PPFIA1: variants seen among roughly 807,000 people sequenced by gnomAD.
PPFIA1 encodes the protein liprin-alpha-1.
Under a neutral mutation model 149.9 loss-of-function variants are expected in PPFIA1, and 25 were observed. That is an observed-to-expected ratio of 0.17 (90% CI 0.12 to 0.23). The LOEUF is 0.23. Among genes scored for constraint, PPFIA1 ranks in the 10% least tolerant of loss-of-function variants. PPFIA1 has a pLI of 1.00. For synonymous variants in PPFIA1, 549 were observed against 552.8 expected (o/e 0.99, Z 0.10); for missense variants, 1,362 against 1,506.5 (o/e 0.90, Z 1.59).
intron 16 of PPFIA1, 174 bp from the exon 17 acceptor site, chr11:70,354,127 C>T (rs2056227450): frequency 1.6e-6 from 1 of 623,270 alleles, no homozygotes; most frequent in Non-Finnish European, 2.7e-6. Flanking sequence ...AGTCTGACAA[C>T]TCTGTGGTGC....
At chr11:70,332,163 T>A in intron 9 of PPFIA1, 69 bp downstream of exon 9, 1 of 1,486,644 alleles carries the variant, frequency 6.7e-7, no homozygotes, top group Non-Finnish European at 8.9e-7. Flanking sequence ...TGTACCTTGT[T>A]TGTCACTGTT....
At chr11:70,348,007 GAA>G (rs1435929407) in intron 15 of PPFIA1, among the ~76,000 whole-genome samples, 180 bp from the exon 16 acceptor site, 1 of 151,976 alleles carries the variant, frequency 6.6e-6, no homozygotes, top group Non-Finnish European at 1.5e-5. Context: ...CATCTCAAAA[GAA>G]AAATAAATAA....
chr11:70,336,748 G>A (rs529058020), intron 11 of PPFIA1, among the ~76,000 whole-genome samples: 7 of 152,308 alleles, frequency 4.6e-5, no homozygotes, highest in Admixed American at 2.6e-4. Context: ...AAGCTCTAAT[G>A]GGCAGCAGCT....
At position 70,372,557 on chromosome 11, in the gene PPFIA1, G is replaced by A. The variant is rs1332485215; in HGVS notation, c.3122G>A (p.Ser1041Asn). 9.3e-6 allele frequency: 15 copies of A among 1,611,642 alleles called. No homozygotes were observed. Among genetic ancestry groups the A allele is most frequent in the African/African-American group, 2.7e-5 (2 of 74,884 alleles). Reference sequence around the variant, plus strand: ...GAACTGGAAAGAAAAAGAGAAGAAAGTCAGAGTGAAATAAAAGGTTAGTAC... The same window carrying A: ...GAACTGGAAAGAAAAAGAGAAGAAAATCAGAGTGAAATAAAAGGTTAGTAC... ...RKELERKREE[S>N]QSEIKDVLVW... The change falls in exon 23 of 28, where the codon AGT (serine) becomes AAT (asparagine). Residue 1041 changes from serine to asparagine, a missense_variant. This residue lies in a region of PPFIA1 where 349 missense variants were observed against 373.3 expected (regional missense o/e 0.93). Coordinates refer to ENST00000253925, the MANE Select transcript of PPFIA1 (RefSeq NM_003626.5).
chr11:70,295,167 G>T (rs2051827263), intron 2 of PPFIA1, among the ~76,000 whole-genome samples: 2 of 151,138 alleles, frequency 1.3e-5, no homozygotes, highest in African/African-American at 4.9e-5. Context: ...GGGTGGGGCG[G>T]CTGGCCGGGC....
At chr11:70,295,530 C>T (rs1294375293) in intron 2 of PPFIA1, among the ~76,000 whole-genome samples, 1 of 143,542 alleles carries the variant, frequency 7.0e-6, no homozygotes, top group Non-Finnish European at 1.5e-5. Flanking sequence ...CACCTCCCTC[C>T]CGGACGGGGC....
chr11:70,321,680 A>G (rs2053950312), intron 2 of PPFIA1, among the ~76,000 whole-genome samples: 1 of 152,228 alleles, frequency 6.6e-6, no homozygotes, highest in Non-Finnish European at 1.5e-5. Flanking sequence ...ATTAGCCAGG[A>G]TGATAGACTC....
At chr11:70,320,673 G>A (rs1230617381) in intron 2 of PPFIA1, among the ~76,000 whole-genome samples, 1 of 152,154 alleles carries the variant, frequency 6.6e-6, no homozygotes, top group Non-Finnish European at 1.5e-5. Flanking sequence ...CTGGGCTCAA[G>A]CAGTCCTCCA....
chr11:70,372,617 C>T, intron 23 of PPFIA1, 43 bp downstream of exon 23: 1 of 1,513,700 alleles, frequency 6.6e-7, no homozygotes, highest in Non-Finnish European at 9.1e-7. Context: ...CTCCTACTTG[C>T]TGGTGTGTTT....
chr11:70,273,710 AT>A (rs529454101), intron 2 of PPFIA1, among the ~76,000 whole-genome samples: 157 of 152,296 alleles, frequency 1.0e-3, no homozygotes, highest in African/African-American at 3.4e-3. Context: ...TTTTTGTTGG[AT>A]TAAAGAATCA....
At chr11:70,331,816 C>G (rs966122142) in intron 8 of PPFIA1, 144 bp from the exon 9 acceptor site, 2 of 904,404 alleles carry the variant, frequency 2.2e-6, no homozygotes, top group Non-Finnish European at 3.1e-6. Flanking sequence ...AAACAAAAAC[C>G]TGACCCAGAA....
At chr11:70,303,353 T>C (rs2052617296) in intron 2 of PPFIA1, among the ~76,000 whole-genome samples, 1 of 152,240 alleles carries the variant, frequency 6.6e-6, no homozygotes, top group Non-Finnish European at 1.5e-5. Flanking sequence ...ATTTCCAATT[T>C]AATAAATGTC....
At chr11:70,328,444 G>A (rs1235221920) in intron 7 of PPFIA1, among the ~76,000 whole-genome samples, 2 of 152,200 alleles carry the variant, frequency 1.3e-5, no homozygotes, top group African/African-American at 4.8e-5. Context: ...ATTCCATGGT[G>A]TATACGTACC....
intron 2 of PPFIA1, among the ~76,000 whole-genome samples, chr11:70,280,933 C>T (rs74488164): frequency 1.1e-4 from 16 of 152,236 alleles, no homozygotes; most frequent in Non-Finnish European, 2.4e-4. Context: ...CATTTGTGTC[C>T]AATCTGCTGT....
chr11:70,319,726 CTGT>C (rs1253707169), intron 2 of PPFIA1, among the ~76,000 whole-genome samples: 1 of 152,188 alleles, frequency 6.6e-6, no homozygotes, highest in African/African-American at 2.4e-5. Flanking sequence ...ATGCTGTGTG[CTGT>C]TGTTCTCTGA....
At chr11:70,346,605 A>G (rs1338449279) in intron 15 of PPFIA1, among the ~76,000 whole-genome samples, 1 of 152,116 alleles carries the variant, frequency 6.6e-6, no homozygotes, top group Non-Finnish European at 1.5e-5. Flanking sequence ...AGGAGGTGCA[A>G]AATAATTAGT....
At chr11:70,352,645 G>C (rs990590170) in intron 16 of PPFIA1, among the ~76,000 whole-genome samples, 1 of 151,920 alleles carries the variant, frequency 6.6e-6, no homozygotes, top group African/African-American at 2.4e-5. Flanking sequence ...AGACCAAGAG[G>C]ACTTCCCTGC....
chr11:70,367,893 T>C (rs1332168215), intron 21 of PPFIA1, among the ~76,000 whole-genome samples: 4 of 152,122 alleles, frequency 2.6e-5, no homozygotes, highest in African/African-American at 9.7e-5. Flanking sequence ...CCCAGCACTT[T>C]GGGAGGCTGA....
At chr11:70,372,935 G>A (rs1053682587) in intron 23 of PPFIA1, among the ~76,000 whole-genome samples, 4 of 152,210 alleles carry the variant, frequency 2.6e-5, no homozygotes, top group African/African-American at 9.6e-5. Flanking sequence ...GATGATTCAA[G>A]TGTGAGAAAT....
Sources: allele counts gnomAD v4.1 joint callset (sites outside exome capture counted in the v4.1 genomes callset), GRCh38; gene constraint gnomAD v4.1.1; regional missense constraint gnomAD v4.1.1; transcripts MANE v1.5; gene names NCBI Gene and HGNC (gene_info 2026-07-23, HGNC 2026-07-21).